WASL: variants seen among roughly 807,000 people sequenced by gnomAD.
WASL encodes the protein WASP like actin nucleation promoting factor.
WASL carries 20 observed loss-of-function variants against 55.5 expected under a neutral mutation model. That is an observed-to-expected ratio of 0.36 (90% CI 0.25 to 0.52). The LOEUF (loss-of-function observed/expected upper bound fraction) is 0.52, where lower values mean the gene tolerates loss of function less well. WASL is among the 20% of genes least tolerant of loss of function. WASL has a pLI of 0.92. For missense variants in WASL, 504 were observed against 622.5 expected, an observed-to-expected ratio of 0.81 and a Z score of 2.03; for synonymous variants, 249 against 217.6, an observed-to-expected ratio of 1.14 and a Z score of -1.27.
intron 1 of WASL, among the ~76,000 whole-genome samples, chr7:123,743,734 A>G (rs1281118074): frequency 2.6e-5 from 4 of 152,210 alleles, no homozygotes; most frequent in African/African-American, 9.6e-5. Flanking sequence ...AGTATTTTCC[A>G]TAATGATTGA....
At chr7:123,715,700 G>T (rs1803831061) in intron 1 of WASL, among the ~76,000 whole-genome samples, 1 of 152,138 alleles carries the variant, frequency 6.6e-6, no homozygotes, top group Non-Finnish European at 1.5e-5. Context: ...ATATGGAAAG[G>T]TGTGTGCTAC....
At chr7:123,692,992 T>C in intron 8 of WASL, 125 bp from the exon 9 acceptor site, 1 of 1,230,274 alleles carries the variant, frequency 8.1e-7, no homozygotes, top group Non-Finnish European at 1.0e-6. Context: ...ATCTTTGCAT[T>C]TTATTTTACA....
At position 123,706,784 on chromosome 7, in the gene WASL, C is replaced by A. The variant is rs1358032001; in HGVS notation, c.295G>T (p.Val99Leu). The A allele has an allele frequency of 2.5e-6, 4 of 1,579,636 alleles. No homozygotes were observed. The highest frequency in any genetic ancestry group is 1.4e-5 in the African/African-American group (1 of 72,618). The change falls in exon 3 of 11, where the codon GTA becomes TTA. Residue 99 changes from valine to leucine, a missense_variant. By Grantham distance (32) the Val-to-Leu change is conservative (BLOSUM62 1). Coordinates refer to ENST00000223023, the MANE Select transcript of WASL (RefSeq NM_003941.4). The stretch of plus-strand genomic sequence containing the variant: ...AAATATCCTCTAGGACTATTATATA[C>A]AAAGTTATTGTATAGCTCTTGTTCC... ...LWEQELYNNF[V>L]YNSPRGYFHT... is the part of the protein sequence containing the mutation.
At chr7:123,697,380 CA>C (rs1803510935) in intron 5 of WASL, among the ~76,000 whole-genome samples, 2 of 152,222 alleles carry the variant, frequency 1.3e-5, no homozygotes, top group South Asian at 2.1e-4. Flanking sequence ...GTAAAAATGT[CA>C]AAGGCATCTT....
Position 123,692,443 on chromosome 7 carries a change from A to C in WASL, c.1251T>G (p.Ala417=), listed in dbSNP as rs774108077. Residue 417 remains alanine, a synonymous_variant, in exon 9 of 11, where the codon GCT becomes GCG. Transcript: ENST00000223023. ...TGTTCTGCTCCACTTTTTTTAGCTG[A>C]GCACCCTCTCTAATTTGATCTAAAA... ...AALLDQIREG[A]QLKKVEQNSR... The C allele has an allele frequency of 1.9e-6, 3 of 1,613,996 alleles. No individual in the cohort carries two copies. Among genetic ancestry groups the C allele is most frequent in the East Asian group, 4.5e-5 (2 of 44,858 alleles).
At chr7:123,744,729 T>C (rs1301935156) in intron 1 of WASL, among the ~76,000 whole-genome samples, 1 of 152,180 alleles carries the variant, frequency 6.6e-6, no homozygotes, top group African/African-American at 2.4e-5. Flanking sequence ...TTCAGGACTA[T>C]ATATGTTGAA....
chr7:123,696,444 A>T, intron 6 of WASL, 135 bp downstream of exon 6: 1 of 739,662 alleles, frequency 1.4e-6, no homozygotes, highest in Non-Finnish European at 1.9e-6. Flanking sequence ...TAAAGTACAT[A>T]GTTAAAACGG....
At chr7:123,692,195 C>G in intron 9 of WASL, 152 bp downstream of exon 9, 1 of 1,091,084 alleles carries the variant, frequency 9.2e-7, no homozygotes, top group East Asian at 2.6e-5. Context: ...GTGCATGTCA[C>G]TGCATGTAAA....
At chr7:123,732,979 T>TA (rs150606156) in intron 1 of WASL, among the ~76,000 whole-genome samples, 5,747 of 151,664 alleles carry the variant, frequency 0.038, 148 homozygotes, top group Middle Eastern at 0.099. Flanking sequence ...TCATTCATAA[T>TA]AAAAAAAAAT....
intron 10 of WASL, among the ~76,000 whole-genome samples, chr7:123,687,774 TTTA>T (rs1803317981): frequency 6.6e-6 from 1 of 151,804 alleles, no homozygotes; most frequent in African/African-American, 2.4e-5. Flanking sequence ...TTGTTAAAAT[TTTA>T]TTATTATTCC....
intron 1 of WASL, among the ~76,000 whole-genome samples, chr7:123,711,310 A>G (rs1225181402): frequency 6.6e-6 from 1 of 152,206 alleles, no homozygotes; most frequent in Non-Finnish European, 1.5e-5. Flanking sequence ...ACTAAAAAAC[A>G]TTTTAACCTT....
intron 1 of WASL, among the ~76,000 whole-genome samples, chr7:123,739,643 G>A (rs546036899): frequency 1.3e-5 from 2 of 152,324 alleles, no homozygotes; most frequent in African/African-American, 4.8e-5. Flanking sequence ...GCTAGGCTAA[G>A]CTATAATGTT....
intron 5 of WASL, among the ~76,000 whole-genome samples, chr7:123,698,927 TCTA>T (rs971142641): frequency 6.6e-6 from 1 of 152,188 alleles, no homozygotes; most frequent in African/African-American, 2.4e-5. Flanking sequence ...TATCTGGTGG[TCTA>T]CTTTTACTTC....
rs924336845 is a variant in WASL, at chr7:123,683,164, A to G, written c.*1355T>C. ...AAATACATTTGGAACTACATTATGC[A>G]TATTACTCAATGTGAGAAAAATATG... On this transcript the variant is annotated 3_prime_UTR_variant, in exon 11 of 11. Coordinates refer to ENST00000223023, the MANE Select transcript of WASL (RefSeq NM_003941.4). The G allele has an allele frequency of 6.6e-6, 1 of 152,126 alleles. No individual in the cohort carries two copies. The highest frequency in any genetic ancestry group is 1.5e-5 in the Non-Finnish European group (1 of 67,992). 9.4% of individuals were successfully genotyped at this position (152,126 alleles called of 1,614,324 possible). A position where few individuals can be genotyped will look rare whatever the true frequency, so the allele number is the denominator to read the frequency against.
intron 1 of WASL, among the ~76,000 whole-genome samples, chr7:123,733,574 C>G (rs1301929419): frequency 6.6e-6 from 1 of 152,006 alleles, no homozygotes; most frequent in East Asian, 1.9e-4. Context: ...TCTATAGATT[C>G]AATAGAATCC....
intron 1 of WASL, among the ~76,000 whole-genome samples, chr7:123,724,283 T>C (rs1804006351): frequency 6.6e-6 from 1 of 152,124 alleles, no homozygotes; most frequent in Admixed American, 6.5e-5. Flanking sequence ...ATATCAGAGA[T>C]AGCAGCCAAT....
intron 1 of WASL, among the ~76,000 whole-genome samples, chr7:123,715,071 A>G (rs570848001): frequency 6.6e-6 from 1 of 152,352 alleles, no homozygotes; most frequent in African/African-American, 2.4e-5. Flanking sequence ...TCAGTGATTT[A>G]AAGAGATAAA....
At chr7:123,694,284 C>T (rs903407217) in intron 8 of WASL, among the ~76,000 whole-genome samples, 1 of 152,010 alleles carries the variant, frequency 6.6e-6, no homozygotes, top group African/African-American at 2.4e-5. Context: ...AAATTTCATA[C>T]TTTATCCAAG....
At chr7:123,706,236 T>A (rs745421527) in intron 4 of WASL, 41 bp downstream of exon 4, 2 of 1,564,966 alleles carry the variant, frequency 1.3e-6, no homozygotes, top group Non-Finnish European at 1.8e-6. Context: ...CCCATGAGCA[T>A]TAGTTTGCTG....
Sources: allele counts gnomAD v4.1 joint callset (sites outside exome capture counted in the v4.1 genomes callset), GRCh38; gene constraint gnomAD v4.1.1; transcripts MANE v1.5; gene names NCBI Gene and HGNC (gene_info 2026-07-23, HGNC 2026-07-21).